Variants in SLIT3 observed in about 807,000 individuals in gnomAD.
SLIT3 encodes the protein slit homolog 3 protein.
SLIT3 carries 68 observed loss-of-function variants against 184.0 expected under a neutral mutation model. The observed-to-expected ratio is 0.37, with a 90% CI of 0.30 to 0.45. SLIT3 has a LOEUF of 0.45. Among genes scored for constraint, SLIT3 ranks in the 20% least tolerant of loss-of-function variants. The pLI is 1.00. For missense variants in SLIT3, 1,707 were observed against 2,026.0 expected (o/e 0.84, Z 3.02); for synonymous variants, 831 against 828.6 (o/e 1.00, Z -0.05).
At chr5:169,259,324 G>T (rs543058658) in intron 1 of SLIT3, among the ~76,000 whole-genome samples, 3 of 152,230 alleles carry the variant, frequency 2.0e-5, no homozygotes, top group South Asian at 2.1e-4. Flanking sequence ...CTCCCAAAGT[G>T]CTGGGATTAC....
intron 4 of SLIT3, among the ~76,000 whole-genome samples, chr5:168,988,594 G>A (rs1755213777): frequency 6.6e-6 from 1 of 151,876 alleles, no homozygotes; most frequent in Admixed American, 6.6e-5. Flanking sequence ...AGCAAAACAG[G>A]GCAGAACTCA....
intron 4 of SLIT3, among the ~76,000 whole-genome samples, chr5:168,903,453 T>C (rs1760936866): frequency 6.6e-6 from 1 of 152,180 alleles, no homozygotes; most frequent in Non-Finnish European, 1.5e-5. Context: ...AGGTGAGAGC[T>C]GGATCCCATT....
At chr5:168,827,375 C>A (rs1757740284) in intron 6 of SLIT3, among the ~76,000 whole-genome samples, 1 of 152,190 alleles carries the variant, frequency 6.6e-6, no homozygotes, top group African/African-American at 2.4e-5. Context: ...CACCCATGCC[C>A]CTCGGCTCAT....
chr5:168,873,171 G>A (rs563365686), intron 5 of SLIT3, among the ~76,000 whole-genome samples: 63 of 152,224 alleles, frequency 4.1e-4, no homozygotes, highest in African/African-American at 1.4e-3. Context: ...CTGCCTGAGA[G>A]TCCACGCTAA....
chr5:169,049,280 G>A (rs1331338285), intron 4 of SLIT3, among the ~76,000 whole-genome samples: 4 of 152,172 alleles, frequency 2.6e-5, no homozygotes, highest in African/African-American at 9.6e-5. Flanking sequence ...TGTGATCTAA[G>A]TGTAATTCAC....
At chr5:168,804,404 G>A (rs1156440173) in intron 9 of SLIT3, among the ~76,000 whole-genome samples, 1 of 151,632 alleles carries the variant, frequency 6.6e-6, no homozygotes, top group African/African-American at 2.4e-5. Flanking sequence ...AATGATGGAA[G>A]GAGGGAGATA....
At chr5:168,797,729 A>G (rs977952421) in intron 9 of SLIT3, among the ~76,000 whole-genome samples, 6 of 152,202 alleles carry the variant, frequency 3.9e-5, no homozygotes, top group African/African-American at 1.4e-4. Context: ...GACTATGTCT[A>G]TTATCTCTTT....
At chr5:168,816,624 C>CT (rs1386289148) in intron 8 of SLIT3, among the ~76,000 whole-genome samples, 6 of 152,194 alleles carry the variant, frequency 3.9e-5, no homozygotes, top group African/African-American at 1.4e-4. Context: ...GCAATCTGTG[C>CT]TTCTGTTACA....
intron 4 of SLIT3, among the ~76,000 whole-genome samples, chr5:168,967,160 A>G (rs1763227084): frequency 6.6e-6 from 1 of 152,076 alleles, no homozygotes; most frequent in South Asian, 2.1e-4. Flanking sequence ...CTCTGTATAT[A>G]TTTTTAAAGT....
rs376018415 is a variant in SLIT3, at chr5:169,076,794, A to G, written c.413+116685T>C. Among the ~76,000 whole-genome samples the G allele has an allele frequency of 5.9e-5, 9 of 152,208 alleles. No individual in the cohort carries two copies. In the East Asian group the frequency reaches 1.5e-3, roughly 26 times the overall value. Reference sequence around the variant, plus strand: ...AAGACTTGAGCTAAGCAGAAATAGAATCTAGTTCAATTCATCGAGTACAGG... The same window carrying G: ...AAGACTTGAGCTAAGCAGAAATAGAGTCTAGTTCAATTCATCGAGTACAGG... On this transcript the variant is annotated intron_variant, in intron 4 of 35. Coordinates refer to ENST00000519560, the MANE Select transcript of SLIT3 (RefSeq NM_003062.4).
chr5:168,735,815 C>T (rs940818890), intron 20 of SLIT3, among the ~76,000 whole-genome samples: 4 of 152,088 alleles, frequency 2.6e-5, no homozygotes, highest in African/African-American at 9.7e-5. Flanking sequence ...TTGGATCATG[C>T]CACTTAAAAT....
chr5:168,817,165 T>G (rs1757357961), intron 8 of SLIT3, 135 bp downstream of exon 8: 4 of 731,794 alleles, frequency 5.5e-6, no homozygotes, highest in Non-Finnish European at 7.0e-6. Flanking sequence ...TACTGAGTAC[T>G]GAGGACGACC....
At chr5:169,037,996 T>A (rs984577489) in intron 4 of SLIT3, 1 of 152,254 alleles carries the variant, frequency 6.6e-6, no homozygotes, top group East Asian at 1.9e-4. Context: ...AAGAGTATCT[T>A]CAGTATGTGT....
intron 3 of SLIT3, among the ~76,000 whole-genome samples, chr5:169,195,596 G>C (rs753723037): frequency 6.6e-6 from 1 of 152,140 alleles, no homozygotes; most frequent in African/African-American, 2.4e-5. Flanking sequence ...GTGCAATCTC[G>C]GCTCGCTGCA....
intron 3 of SLIT3, among the ~76,000 whole-genome samples, chr5:169,217,279 C>T (rs1451228950): frequency 6.6e-6 from 1 of 151,974 alleles, no homozygotes; most frequent in Non-Finnish European, 1.5e-5. Flanking sequence ...TTTCTTTCTT[C>T]TTATTAAAAG....
At chr5:168,893,209 G>T (rs983370736) in intron 4 of SLIT3, among the ~76,000 whole-genome samples, 23 of 152,168 alleles carry the variant, frequency 1.5e-4, no homozygotes, top group African/African-American at 5.1e-4. Context: ...GTTGGGTGTG[G>T]ACAGGGAGCT....
At chr5:168,918,164 G>A (rs1408736304) in intron 4 of SLIT3, among the ~76,000 whole-genome samples, 2 of 151,990 alleles carry the variant, frequency 1.3e-5, no homozygotes, top group African/African-American at 4.8e-5. Context: ...AAACAGCAAT[G>A]CCAAATCTAA....
At chr5:168,957,843 A>G (rs1361438244) in intron 4 of SLIT3, among the ~76,000 whole-genome samples, 1 of 152,172 alleles carries the variant, frequency 6.6e-6, no homozygotes, top group East Asian at 1.9e-4. Context: ...GCATGACCTT[A>G]TCCAAGTCAC....
chr5:169,011,894 A>G (rs529899722), intron 4 of SLIT3, among the ~76,000 whole-genome samples: 2 of 150,714 alleles, frequency 1.3e-5, no homozygotes, highest in African/African-American at 4.9e-5. Context: ...TAAAAATATC[A>G]TTTATTCATT....
Sources: gnomAD v4.1 joint callset for allele counts (sites outside exome capture counted in the v4.1 genomes callset) on GRCh38, gnomAD v4.1.1 for gene constraint, MANE v1.5 for transcripts, NCBI Gene and HGNC (gene_info 2026-07-23, HGNC 2026-07-21) for gene names.